The following SCFD1 variants were observed in gnomAD, a reference collection of about 807,000 sequenced individuals.
SCFD1 encodes sec1 family domain-containing protein 1.
Under a neutral mutation model 103.2 loss-of-function variants are expected in SCFD1, and 37 were observed. That is an observed-to-expected ratio of 0.36 (90% confidence interval 0.28 to 0.47). The LOEUF is 0.47. SCFD1 is among the 20% of genes least tolerant of loss of function. The pLI is 1.00. For synonymous variants in SCFD1, 264 were observed against 245.0 expected (o/e 1.08, Z -0.73); for missense variants, 639 against 761.2 (o/e 0.84, Z 1.89).
chr14:30,693,853 A>G (rs1367469632), intron 14 of SCFD1, among the ~76,000 whole-genome samples: 4 of 152,166 alleles, frequency 2.6e-5, no homozygotes, highest in African/African-American at 7.2e-5. Flanking sequence ...AACACCCTCA[A>G]TAGTATCTGA....
In SCFD1 at chr14:30,721,898, A is replaced by G; in HGVS notation, c.1751A>G (p.Asn584Ser). 6.2e-7 allele frequency: 1 copy of G among 1,609,460 alleles called. No individual in the cohort carries two copies. The highest frequency in any genetic ancestry group is 1.3e-5 in the African/African-American group (1 of 74,850). ...CTTTATTACAGCTCAGTTCCCAGAA[A>G]TAAAAATCCATTCCAAGAGGTAAGT... ...LRGNDSSVPR[N>S]KNPFQEAIVF... is the part of the protein sequence containing the mutation. Residue 584 changes from asparagine (N) to serine (S), a missense_variant, in exon 22 of 25, where the codon AAT (asparagine) becomes AGT (serine). Asn to Ser is a conservative substitution (Grantham distance 46). Coordinates refer to ENST00000458591, the MANE Select transcript of SCFD1 (RefSeq NM_016106.4).
intron 7 of SCFD1, among the ~76,000 whole-genome samples, chr14:30,644,746 A>G: frequency 6.6e-6 from 1 of 151,838 alleles, no homozygotes. Context: ...ATTCTGTTGG[A>G]TGCATAGTTT....
Position 30,670,256 on chromosome 14 carries a change from G to A in SCFD1, c.856G>A (p.Asp286Asn). ...TYQALVHDVL[D>N]FHLNRVNLEE... ...TTAACACAAGATTACTTTTTCCTAG[G>A]ATTTCCATTTAAACAGGGTTAATTT... Residue 286 changes from aspartate (D) to asparagine (N), a missense_variant and splice_region_variant, in exon 11 of 25, where the codon GAT becomes AAT. By Grantham distance (23) the Asp-to-Asn change is conservative (BLOSUM62 1). Transcript: ENST00000458591. 1 of 1,578,424 alleles carries A rather than the reference G, an allele frequency of 6.3e-7. No individual in the cohort carries two copies. Among genetic ancestry groups the A allele is most frequent in the Non-Finnish European group, 8.6e-7 (1 of 1,166,644 alleles).
intron 5 of SCFD1, 84 bp downstream of exon 5, chr14:30,638,331 A>C (rs1884937589): frequency 1.3e-6 from 2 of 1,575,514 alleles, no homozygotes; most frequent in Non-Finnish European, 1.7e-6. Flanking sequence ...ATAGATATCT[A>C]TTTGACAGAT....
chr14:30,698,045 G>A (rs1890815760), intron 15 of SCFD1, among the ~76,000 whole-genome samples: 1 of 152,126 alleles, frequency 6.6e-6, no homozygotes, highest in African/African-American at 2.4e-5. Context: ...GTTTTACTGA[G>A]GCTGTGTTAG....
chr14:30,638,351 A>G (rs2139038359), intron 5 of SCFD1, 104 bp downstream of exon 5: 1 of 1,517,132 alleles, frequency 6.6e-7, no homozygotes, highest in East Asian at 2.3e-5. Context: ...TGACCAGAAC[A>G]ACAGAATTGT....
intron 11 of SCFD1, among the ~76,000 whole-genome samples, chr14:30,671,691 G>T (rs147603659): frequency 1.3e-5 from 2 of 152,222 alleles, no homozygotes; most frequent in African/African-American, 4.8e-5. Context: ...GCATAAACAA[G>T]TGACCTAAAC....
chr14:30,657,788 A>C, intron 10 of SCFD1, among the ~76,000 whole-genome samples: 1 of 152,350 alleles, frequency 6.6e-6, no homozygotes, highest in Non-Finnish European at 1.5e-5. Flanking sequence ...GTAAGTAAAT[A>C]GTAAATGTTA....
At chr14:30,624,648 TCTC>T (rs1313075892) in intron 1 of SCFD1, among the ~76,000 whole-genome samples, 2 of 152,122 alleles carry the variant, frequency 1.3e-5, no homozygotes, top group African/African-American at 4.8e-5. Flanking sequence ...ACAATCCTGT[TCTC>T]CTTCATTATT....
chr14:30,733,933 C>T (rs1208814043), intron 23 of SCFD1, among the ~76,000 whole-genome samples: 2 of 152,098 alleles, frequency 1.3e-5, no homozygotes, highest in Non-Finnish European at 2.9e-5. Flanking sequence ...CATACTGTGA[C>T]CTCTACCTTT....
At chr14:30,690,555 G>T (rs1890197667) in intron 14 of SCFD1, among the ~76,000 whole-genome samples, 1 of 134,078 alleles carries the variant, frequency 7.5e-6, no homozygotes. Flanking sequence ...CAATATTCGG[G>T]TGGAAGTGAC....
At chr14:30,638,884 G>A (rs1025132233) in intron 5 of SCFD1, among the ~76,000 whole-genome samples, 5 of 152,050 alleles carry the variant, frequency 3.3e-5, no homozygotes, top group Non-Finnish European at 7.4e-5. Context: ...CAACTATCTA[G>A]GACAAATAAA....
chr14:30,624,051 G>T (rs998111773), intron 1 of SCFD1, among the ~76,000 whole-genome samples: 2 of 152,174 alleles, frequency 1.3e-5, no homozygotes, highest in Non-Finnish European at 2.9e-5. Flanking sequence ...AGGAAAGTAA[G>T]ATAGAGGTAA....
intron 19 of SCFD1, 41 bp downstream of exon 19, chr14:30,708,106 C>T: frequency 7.6e-7 from 1 of 1,309,936 alleles, no homozygotes; most frequent in Non-Finnish European, 1.1e-6. Context: ...AACTTTTAAA[C>T]ATAAATGTTG....
intron 9 of SCFD1, chr14:30,652,477 T>C (rs1230827612): frequency 6.6e-6 from 1 of 152,148 alleles, no homozygotes; most frequent in African/African-American, 2.4e-5. Context: ...TTTTTGAGGC[T>C]CTTCTCCAGA....
chr14:30,670,448 G>A (rs1888429576), intron 11 of SCFD1, 53 bp downstream of exon 11: 1 of 1,329,574 alleles, frequency 7.5e-7, no homozygotes, highest in Non-Finnish European at 1.0e-6. Context: ...AGAAATTAAG[G>A]TGTCATCCAC....
intron 14 of SCFD1, chr14:30,683,717 C>A (rs1333564887): frequency 5.8e-6 from 1 of 171,102 alleles, no homozygotes; most frequent in East Asian, 1.9e-4. Flanking sequence ...CTATCTAATT[C>A]ATAATCTGGA....
At chr14:30,700,096 A>G (rs1412366319) in intron 15 of SCFD1, 92 bp from the exon 16 acceptor site, 3 of 854,276 alleles carry the variant, frequency 3.5e-6, no homozygotes, top group Admixed American at 4.2e-5. Context: ...TCACATTTAT[A>G]TATGCCTTGA....
intron 5 of SCFD1, 136 bp downstream of exon 5, chr14:30,638,383 A>C: frequency 8.0e-7 from 1 of 1,246,134 alleles, no homozygotes; most frequent in South Asian, 1.6e-5. Context: ...ACTTTTATAA[A>C]GAGTTCTGAT....
Sources: allele counts gnomAD v4.1 joint callset (sites outside exome capture counted in the v4.1 genomes callset), GRCh38; gene constraint gnomAD v4.1.1; transcripts MANE v1.5; gene names NCBI Gene and HGNC (gene_info 2026-07-23, HGNC 2026-07-21).